The following RNF150 variants were observed in gnomAD, a reference collection of about 807,000 sequenced individuals.
RNF150 encodes ring finger protein 150.
RNF150 carries 24 observed loss-of-function variants against 39.3 expected under a neutral mutation model. That is an observed-to-expected ratio of 0.61 (90% CI 0.44 to 0.86). RNF150 has a LOEUF of 0.86. Among genes scored for constraint, RNF150 ranks in the 40% least tolerant of loss-of-function variants. The probability of loss-of-function intolerance (pLI) is 0.00; values close to 1 mark genes in which losing one functional copy is unlikely to be tolerated. For missense variants in RNF150, 502 were observed against 587.8 expected (o/e 0.85, Z 1.51); for synonymous variants, 255 against 227.3 (o/e 1.12, Z -1.10).
intron 1 of RNF150, among the ~76,000 whole-genome samples, chr4:141,068,181 G>C (rs1170987059): frequency 6.6e-6 from 1 of 152,142 alleles, no homozygotes; most frequent in Non-Finnish European, 1.5e-5. Flanking sequence ...CTAACCTCAT[G>C]TGATCTGCCC....
chr4:141,078,804 AAAAAAT>A (rs1389560305), intron 1 of RNF150, among the ~76,000 whole-genome samples: 4 of 83,544 alleles, frequency 4.8e-5, no homozygotes, highest in South Asian at 6.6e-4. Flanking sequence ...AAAAAAAAAA[AAAAAAT>A]ATATATATAT....
chr4:141,210,896 C>CT (rs1728453377), intron 1 of RNF150, among the ~76,000 whole-genome samples: 1 of 147,484 alleles, frequency 6.8e-6, no homozygotes, highest in South Asian at 2.3e-4. Flanking sequence ...AGTCCTTTGC[C>CT]TGAAGTTTCA....
intron 1 of RNF150, among the ~76,000 whole-genome samples, chr4:141,165,032 C>T (rs935155888): frequency 6.6e-6 from 1 of 152,070 alleles, no homozygotes; most frequent in African/African-American, 2.4e-5. Context: ...AACTCACCAG[C>T]GTGCTGTATT....
rs1386308787 is a variant in RNF150, at chr4:140,927,514, A to C, written c.891-1441T>G. ...GCTTCCTTCTGCTCCAGCCTTGTGA[A>C]GTGCTGGCTCTCTCTTTGCCTTCTG... On this transcript the variant is annotated intron_variant, in intron 4 of 6. Transcript: ENST00000515673. 2.6e-5 allele frequency among the ~76,000 whole-genome samples: 4 copies of C among 152,112 alleles called. No individual in the cohort carries two copies. The East Asian group carries it at 7.7e-4, about 29-fold the overall frequency.
intron 6 of RNF150, among the ~76,000 whole-genome samples, chr4:140,891,416 G>A (rs1338186344): frequency 6.6e-6 from 1 of 152,170 alleles, no homozygotes; most frequent in Non-Finnish European, 1.5e-5. Context: ...CAGGTCCACA[G>A]AGCACCCCAA....
At chr4:141,091,065 G>A (rs116077898) in intron 1 of RNF150, among the ~76,000 whole-genome samples, 1,925 of 152,260 alleles carry the variant, frequency 0.013, 29 homozygotes, top group Non-Finnish European at 0.017. Flanking sequence ...ATCTTAAGAA[G>A]GAATAGAGGC....
intron 1 of RNF150, among the ~76,000 whole-genome samples, chr4:141,099,322 G>C (rs1738918902): frequency 2.0e-5 from 3 of 152,068 alleles, no homozygotes; most frequent in Non-Finnish European, 2.9e-5. Flanking sequence ...CCAAGCAGTA[G>C]AGAAATTATT....
In RNF150 at chr4:141,037,710, C is replaced by T. The variant is rs552689872; in HGVS notation, c.485-69837G>A. On this transcript the variant is annotated intron_variant, in intron 1 of 6. Coordinates refer to ENST00000515673, the MANE Select transcript of RNF150 (RefSeq NM_020724.2). ...TTGATGCCAAGGACTAAATTATCTCCAGCTGTAAGAGTAGATTTCATTTTT... is the reference window on the plus strand; with the variant it reads ...TTGATGCCAAGGACTAAATTATCTCTAGCTGTAAGAGTAGATTTCATTTTT... 1.1e-3 allele frequency among the ~76,000 whole-genome samples: 169 copies of T among 152,268 alleles called. 1 individual carries two copies. The Middle Eastern group carries it at 0.02, about 18-fold the overall frequency.
rs773185280 is a variant in RNF150 at position 141,132,492 on chromosome 4, G to T, written c.317C>A (p.Thr106Asn). ...GCCGCGGGTCGGGGCGGCGAACTTGGTGTTGGGGTCGCAGGCCAGGCGGTC... is the reference window on the plus strand; with the variant it reads ...GCCGCGGGTCGGGGCGGCGAACTTGTTGTTGGGGTCGCAGGCCAGGCGGTC... ...AHDRLACDPN[T>N]KFAAPTRGKN... is the part of the protein sequence containing the mutation. The change falls in exon 1 of 7, where the codon ACC becomes AAC. Residue 106 changes from threonine (T) to asparagine (N), a missense_variant. Transcript: ENST00000515673. This position sits in a 1 kb window ranked among gnomAD's most constrained non-coding sequence, Gnocchi z 4.9. The T allele has an allele frequency of 1.2e-6, 2 of 1,607,300 alleles. No individual in the cohort carries two copies. The highest frequency in any genetic ancestry group is 4.5e-5 in the East Asian group (2 of 44,544).
chr4:141,038,163 G>C (rs1223065031), intron 1 of RNF150, among the ~76,000 whole-genome samples: 1 of 152,074 alleles, frequency 6.6e-6, no homozygotes, highest in African/African-American at 2.4e-5. Context: ...AGAATGCTTG[G>C]CTGGTTTTCA....
At chr4:140,983,723 T>C (rs565150241) in intron 1 of RNF150, among the ~76,000 whole-genome samples, 45 of 151,568 alleles carry the variant, frequency 3.0e-4, no homozygotes, top group African/African-American at 1.0e-3. Flanking sequence ...AATAACTTTG[T>C]ATGTTGTATA....
chr4:140,869,502 C>G (rs1728845869), intron 6 of RNF150, among the ~76,000 whole-genome samples: 1 of 152,120 alleles, frequency 6.6e-6, no homozygotes, highest in Non-Finnish European at 1.5e-5. Flanking sequence ...AAGGATTATG[C>G]TAGAGGCTAT....
chr4:140,947,846 C>T, intron 3 of RNF150, 110 bp from the exon 4 acceptor site: 1 of 635,036 alleles, frequency 1.6e-6, no homozygotes, highest in Non-Finnish European at 2.7e-6. Flanking sequence ...TTCCGCTGTG[C>T]TGGTGCCAGT....
At chr4:141,165,314 T>G (rs141498684) in intron 1 of RNF150, among the ~76,000 whole-genome samples, 139 of 152,248 alleles carry the variant, frequency 9.1e-4, no homozygotes, top group African/African-American at 3.2e-3. Context: ...CTTAGAGACC[T>G]ACAAAGAGAC....
intron 1 of RNF150, among the ~76,000 whole-genome samples, chr4:141,118,233 A>G (rs1726492775): frequency 6.6e-6 from 1 of 152,206 alleles, no homozygotes; most frequent in Non-Finnish European, 1.5e-5. Flanking sequence ...GACAACAGTC[A>G]CTGGCAGTTG....
chr4:141,017,554 C>T, intron 1 of RNF150, among the ~76,000 whole-genome samples: 1 of 152,158 alleles, frequency 6.6e-6, no homozygotes, highest in Non-Finnish European at 1.5e-5. Flanking sequence ...TTCTGGTGTA[C>T]ATTTTACAGG....
At chr4:141,188,230 G>A (rs1383090474) in intron 1 of RNF150, among the ~76,000 whole-genome samples, 6 of 152,178 alleles carry the variant, frequency 3.9e-5, no homozygotes, top group Non-Finnish European at 8.8e-5. Context: ...TGAGTCTGAT[G>A]GGCTTCCCTT....
At chr4:140,937,879 T>TAGG (rs1731919234) in intron 4 of RNF150, among the ~76,000 whole-genome samples, 1 of 152,132 alleles carries the variant, frequency 6.6e-6, no homozygotes. Flanking sequence ...AACATAGGCA[T>TAGG]AAAACAGTAA....
At chr4:140,989,136 T>A (rs1183748006) in intron 1 of RNF150, among the ~76,000 whole-genome samples, 1 of 152,114 alleles carries the variant, frequency 6.6e-6, no homozygotes, top group Non-Finnish European at 1.5e-5. Flanking sequence ...GACTGTAAGG[T>A]CTGTGGTACA....
Sources: allele counts gnomAD v4.1 joint callset (sites outside exome capture counted in the v4.1 genomes callset), GRCh38; gene constraint gnomAD v4.1.1; non-coding constraint Gnocchi (gnomAD v3.1); transcripts MANE v1.5; gene names NCBI Gene and HGNC (gene_info 2026-07-23, HGNC 2026-07-21).